The following USP32 variants were observed in gnomAD, a reference collection of about 807,000 sequenced individuals.
The protein encoded by USP32 is ubiquitin specific peptidase 32, also known as ubiquitin carboxyl-terminal hydrolase 32.
USP32 carries 59 observed loss-of-function variants against 204.8 expected under a neutral mutation model. The observed-to-expected ratio is 0.29, with a 90% CI of 0.23 to 0.36. The LOEUF is 0.36. USP32 is among the 10% of genes least tolerant of loss of function. The probability of loss-of-function intolerance (pLI) is 1.00; values close to 1 mark genes in which losing one functional copy is unlikely to be tolerated. For missense variants in USP32, 1,160 were observed against 1,946.4 expected (o/e 0.60, Z 7.60); for synonymous variants, 517 against 678.4 (o/e 0.76, Z 3.70).
intron 11 of USP32, among the ~76,000 whole-genome samples, chr17:60,250,114 T>C (rs1356471050): frequency 3.3e-5 from 5 of 152,170 alleles, no homozygotes; most frequent in South Asian, 2.1e-4. Flanking sequence ...AGGCAAATTA[T>C]TGGTACTTTT....
In USP32 at chr17:60,178,325, C is replaced by T. The variant is rs1347960719; in HGVS notation, c.*930G>A. Among the ~76,000 whole-genome samples, 3 of 152,206 alleles carry T rather than the reference C, an allele frequency of 2.0e-5. No homozygotes were observed. The highest frequency in any genetic ancestry group is 2.9e-5 in the Non-Finnish European group (2 of 68,044). On this transcript the variant is annotated 3_prime_UTR_variant, in exon 34 of 34. Coordinates refer to ENST00000300896, the MANE Select transcript of USP32 (RefSeq NM_032582.4). ...AAAAGAACAACCACTAATTGTGAAA[C>T]GTGATCTAGCTCCAATGCCACTTAC...
chr17:60,394,415 C>A (rs1042824064), upstream of USP32, among the ~76,000 whole-genome samples: 1 of 152,222 alleles, frequency 6.6e-6, no homozygotes, highest in African/African-American at 2.4e-5. Context: ...TATCTACCCA[C>A]TTGATTTGCA....
At chr17:60,320,013 T>A (rs1371620995) in intron 2 of USP32, among the ~76,000 whole-genome samples, 1 of 152,164 alleles carries the variant, frequency 6.6e-6, no homozygotes, top group Non-Finnish European at 1.5e-5. Flanking sequence ...ACTGCGTAAG[T>A]ATCTTCAATA....
rs2084002134 is a variant in USP32, at chr17:60,177,756, C to G, written c.*1499G>C. ...TAGGTAGCCATTTAAGATAACCTTT[C>G]CAAATGCTCTGAGAACTAGATATTA... On this transcript the variant is annotated 3_prime_UTR_variant, in exon 34 of 34. Coordinates refer to ENST00000300896, the MANE Select transcript of USP32 (RefSeq NM_032582.4). 1.3e-5 allele frequency among the ~76,000 whole-genome samples: 2 copies of G among 152,192 alleles called. No individual in the cohort carries two copies. The highest frequency in any genetic ancestry group is 1.3e-4 in the Admixed American group (2 of 15,286).
chr17:60,285,813 G>A (rs1350618787), intron 5 of USP32, among the ~76,000 whole-genome samples: 1 of 152,106 alleles, frequency 6.6e-6, no homozygotes, highest in Non-Finnish European at 1.5e-5. Flanking sequence ...AGAAGAAAAA[G>A]AGAAGGCATT....
intron 1 of USP32, among the ~76,000 whole-genome samples, chr17:60,354,804 G>C (rs1198006037): frequency 6.6e-6 from 1 of 152,198 alleles, no homozygotes; most frequent in African/African-American, 2.4e-5. Flanking sequence ...CCAGCACTTT[G>C]GGAGGCTGAG....
chr17:60,265,536 C>A, intron 8 of USP32, 62 bp from the exon 9 acceptor site: 1 of 1,131,884 alleles, frequency 8.8e-7, no homozygotes, highest in South Asian at 1.3e-5. Context: ...TTTTGTTATT[C>A]AATGGCTAAA....
In USP32 at chr17:60,211,468, T is replaced by C. The variant is rs1466236509; in HGVS notation, c.2226A>G (p.Thr742=). Residue 742 remains threonine (T), a synonymous_variant, in exon 20 of 34, where the codon ACA becomes ACG. Transcript: ENST00000300896. ...ACTGGATGCTTGAGTTCATGAAGCATGTGTTTCCCAGATTGCTTAGACCTG... is the reference window on the plus strand; with the variant it reads ...ACTGGATGCTTGAGTTCATGAAGCACGTGTTTCCCAGATTGCTTAGACCTG... The part of the protein sequence containing the change: ...GATGLSNLGN[T]CFMNSSIQCV... The C allele has an allele frequency of 1.9e-6, 3 of 1,613,832 alleles. No individual in the cohort carries two copies. Among genetic ancestry groups the C allele is most frequent in the Admixed American group, 3.3e-5 (2 of 59,984 alleles).
chr17:60,367,403 G>A (rs891570225), intron 1 of USP32, among the ~76,000 whole-genome samples: 1 of 152,214 alleles, frequency 6.6e-6, no homozygotes, highest in African/African-American at 2.4e-5. Flanking sequence ...CCAGCTACCA[G>A]AGGGCTGAGG....
rs2145331937 is a variant in USP32, at chr17:60,177,843, T to C, written c.*1412A>G. ...TAGTTACATTGGTAATTACTATCTA[T>C]GAGGAAGAAAGGGTAGTGGAATCTG... On this transcript the variant is annotated 3_prime_UTR_variant, in exon 34 of 34. Transcript: ENST00000300896. Among the ~76,000 whole-genome samples, 1 of 152,250 alleles carries C rather than the reference T, an allele frequency of 6.6e-6. No homozygotes were observed. Among genetic ancestry groups the C allele is most frequent in the Middle Eastern group, 3.4e-3 (1 of 294 alleles).
chr17:60,183,580 T>A, intron 30 of USP32, 127 bp from the exon 31 acceptor site: 22 of 1,335,928 alleles, frequency 1.6e-5, no homozygotes, highest in Non-Finnish European at 2.2e-5. Context: ...CTCTTCATTA[T>A]TTTTTAAAGA....
chr17:60,413,861 CAAAAAAAAAAAAAAGAAAAAAAA>C (rs1162643902), intron 1 of USP32, among the ~76,000 whole-genome samples: 48 of 31,718 alleles, frequency 1.5e-3, no homozygotes, highest in African/African-American at 5.0e-3. Context: ...GATTCTGTCT[CAAAAAAAAAAAAAAGAAAAAAAA>C]AAAAAAAAAA....
chr17:60,222,565 A>G lies in USP32; in HGVS notation c.1609-16T>C, dbSNP rs1011062635. ...ATGATGTAGCCTGAGAAAGAATAGA[A>G]TGACAATGTTGACTTTCAATATTAC... On this transcript the variant is annotated splice_polypyrimidine_tract_variant and intron_variant, in intron 14 of 33. Transcript: ENST00000300896. 12 of 1,610,088 alleles carry G rather than the reference A, an allele frequency of 7.5e-6. No homozygotes were observed. Among genetic ancestry groups the G allele is most frequent in the Non-Finnish European group, 1.0e-5 (12 of 1,177,498 alleles).
intron 5 of USP32, among the ~76,000 whole-genome samples, chr17:60,286,485 G>A (rs543290423): frequency 1.2e-4 from 18 of 152,286 alleles, no homozygotes; most frequent in Non-Finnish European, 2.5e-4. Context: ...AAAAATGGAA[G>A]AGGCAAGGAA....
At chr17:60,199,827 C>G (rs1216475840) in intron 26 of USP32, among the ~76,000 whole-genome samples, 3 of 152,190 alleles carry the variant, frequency 2.0e-5, no homozygotes, top group Non-Finnish European at 2.9e-5. Flanking sequence ...GGAACTTCTC[C>G]TAGTGCCCTA....
chr17:60,415,460 G>A (rs1239956192), intron 1 of USP32, among the ~76,000 whole-genome samples: 1 of 152,184 alleles, frequency 6.6e-6, no homozygotes, highest in Non-Finnish European at 1.5e-5. Context: ...CAGAATCACT[G>A]CCGAGAAGGT....
intron 5 of USP32, among the ~76,000 whole-genome samples, chr17:60,276,876 T>C (rs927410416): frequency 1.3e-5 from 2 of 151,552 alleles, no homozygotes; most frequent in African/African-American, 4.9e-5. Flanking sequence ...ATCTGTTCAT[T>C]TTCTGGATAT....
intron 5 of USP32, among the ~76,000 whole-genome samples, chr17:60,272,159 T>C (rs1049649552): frequency 1.3e-5 from 2 of 152,188 alleles, no homozygotes; most frequent in South Asian, 2.1e-4. Flanking sequence ...AAAGTTTCTA[T>C]GTACAGCTTC....
chr17:60,191,170 G>C (rs940278112), intron 28 of USP32, among the ~76,000 whole-genome samples: 10 of 152,198 alleles, frequency 6.6e-5, no homozygotes, highest in Admixed American at 4.6e-4. Context: ...GGGAGGCCGA[G>C]GTGGGTGGAT....
Sources: allele counts gnomAD v4.1 joint callset (sites outside exome capture counted in the v4.1 genomes callset), GRCh38; gene constraint gnomAD v4.1.1; transcripts MANE v1.5; gene names NCBI Gene and HGNC (gene_info 2026-07-23, HGNC 2026-07-21).